ADAMTS20: variants seen among roughly 807,000 people sequenced by gnomAD.
The protein encoded by ADAMTS20 is ADAM metallopeptidase with thrombospondin type 1 motif 20.
In ADAMTS20, 225 loss-of-function variants were observed where a neutral mutation model predicts 260.1. That is an observed-to-expected ratio of 0.87 (90% CI 0.78 to 0.97). ADAMTS20 has a LOEUF of 0.97. ADAMTS20 is among the 50% of genes least tolerant of loss of function. The pLI is 0.00. For synonymous variants in ADAMTS20, 802 were observed against 769.5 expected, an observed-to-expected ratio of 1.04 and a Z score of -0.70; for missense variants, 2,400 against 2,337.7, an observed-to-expected ratio of 1.03 and a Z score of -0.55.
intron 29 of ADAMTS20, among the ~76,000 whole-genome samples, chr12:43,385,054 C>T (rs1940442118): frequency 6.6e-6 from 1 of 152,204 alleles, no homozygotes; most frequent in Non-Finnish European, 1.5e-5. Context: ...AATGATTGAA[C>T]TAATTTACTC....
At chr12:43,364,002 C>T (rs1371604792) in intron 37 of ADAMTS20, among the ~76,000 whole-genome samples, 8 of 152,076 alleles carry the variant, frequency 5.3e-5, no homozygotes, top group Admixed American at 2.0e-4. Flanking sequence ...AGACAGACCA[C>T]GCATAAACTC....
Position 43,428,698 on chromosome 12 carries a change from T to A in ADAMTS20, c.3591A>T (p.Arg1197=), listed in dbSNP as rs1034973410. 12 of 1,612,280 alleles carry A rather than the reference T, an allele frequency of 7.4e-6. No individual in the cohort carries two copies. The highest frequency in any genetic ancestry group is 1.3e-5 in the African/African-American group (1 of 74,954). Residue 1197 remains arginine (R), a synonymous_variant, in exon 25 of 39, where the codon CGA becomes CGT. Coordinates refer to ENST00000389420, the MANE Select transcript of ADAMTS20 (RefSeq NM_025003.5). ...ADESYCAHLP[R]PAEIWDCFTP... is the part of the protein sequence containing the mutation. The stretch of plus-strand genomic sequence containing the variant: ...TAAAACAGTCCCATATTTCAGCAGG[T>A]CGGGGTAAGTGGGCACAATATGATT...
intron 3 of ADAMTS20, among the ~76,000 whole-genome samples, chr12:43,512,266 G>A (rs1408366845): frequency 1.3e-5 from 2 of 148,710 alleles, no homozygotes; most frequent in Admixed American, 1.3e-4. Context: ...GGAACAAGAA[G>A]GTTAAACTGC....
chr12:43,487,635 A>G (rs775942105), intron 7 of ADAMTS20, among the ~76,000 whole-genome samples: 11 of 152,202 alleles, frequency 7.2e-5, no homozygotes, highest in Non-Finnish European at 1.5e-4. Flanking sequence ...TACATGACAC[A>G]TTGAAAGAAA....
At chr12:43,547,960 C>A (rs944383029) in intron 2 of ADAMTS20, among the ~76,000 whole-genome samples, 4 of 152,156 alleles carry the variant, frequency 2.6e-5, no homozygotes, top group African/African-American at 9.7e-5. Flanking sequence ...AAGGACGGTA[C>A]AATTTCCTCA....
At chr12:43,496,455 T>A (rs1486193539) in intron 4 of ADAMTS20, among the ~76,000 whole-genome samples, 1 of 152,220 alleles carries the variant, frequency 6.6e-6, no homozygotes, top group Non-Finnish European at 1.5e-5. Context: ...ACAAAACATT[T>A]GAAGACATTT....
At chr12:43,463,206 TA>T (rs139242187) in intron 10 of ADAMTS20, among the ~76,000 whole-genome samples, 128 of 152,332 alleles carry the variant, frequency 8.4e-4, no homozygotes, top group Middle Eastern at 3.4e-3. Flanking sequence ...TAAAACTTTT[TA>T]AAAAAATTTT....
intron 29 of ADAMTS20, among the ~76,000 whole-genome samples, chr12:43,393,846 G>A (rs952595707): frequency 1.3e-5 from 2 of 151,974 alleles, no homozygotes; most frequent in Admixed American, 6.6e-5. Flanking sequence ...ATGAATGAGT[G>A]ACCATAAAAC....
intron 28 of ADAMTS20, among the ~76,000 whole-genome samples, chr12:43,421,042 C>T (rs796257438): frequency 7.3e-5 from 11 of 151,700 alleles, no homozygotes; most frequent in African/African-American, 2.7e-4. Flanking sequence ...CTCCTGGCCT[C>T]AAGTGATCCA....
chr12:43,449,539 G>T (rs1355202255), intron 14 of ADAMTS20, among the ~76,000 whole-genome samples: 1 of 151,996 alleles, frequency 6.6e-6, no homozygotes, highest in African/African-American at 2.4e-5. Context: ...TGGATACTAG[G>T]CTTAGTATCT....
chr12:43,545,634 T>C (rs1249924397), intron 2 of ADAMTS20, among the ~76,000 whole-genome samples: 2 of 152,114 alleles, frequency 1.3e-5, no homozygotes, highest in Admixed American at 1.3e-4. Context: ...AGTAACTGAG[T>C]ATGGTAGGGA....
chr12:43,365,496 A>T (rs1939963896), intron 37 of ADAMTS20, among the ~76,000 whole-genome samples: 1 of 152,044 alleles, frequency 6.6e-6, no homozygotes, highest in Admixed American at 6.6e-5. Flanking sequence ...TGGCACAAAT[A>T]AGACAGATGG....
At chr12:43,440,849 GGT>G (rs1477802972) in intron 16 of ADAMTS20, among the ~76,000 whole-genome samples, 1 of 152,030 alleles carries the variant, frequency 6.6e-6, no homozygotes, top group Admixed American at 6.5e-5. Flanking sequence ...CGGATCACGA[GGT>G]CAGGAGATCG....
intron 28 of ADAMTS20, among the ~76,000 whole-genome samples, chr12:43,402,413 T>A (rs1416322979): frequency 6.6e-6 from 1 of 152,042 alleles, no homozygotes; most frequent in African/African-American, 2.4e-5. Context: ...TAAAGTTCTT[T>A]TTCTCCAAGA....
chr12:43,540,132 A>G (rs1035762084), intron 2 of ADAMTS20, among the ~76,000 whole-genome samples: 1 of 152,048 alleles, frequency 6.6e-6, no homozygotes, highest in East Asian at 1.9e-4. Context: ...AGCCTCCCAA[A>G]GTGCTGGGAT....
chr12:43,417,397 G>C (rs1409135150), intron 28 of ADAMTS20, among the ~76,000 whole-genome samples: 1 of 152,128 alleles, frequency 6.6e-6, no homozygotes, highest in African/African-American at 2.4e-5. Context: ...ATGTATAAGA[G>C]TTTTAATACA....
Position 43,466,709 on chromosome 12 carries a change from T to A in ADAMTS20, c.1310A>T (p.His437Leu). The A allele has an allele frequency of 7.4e-6, 12 of 1,612,030 alleles. No individual in the cohort carries two copies. Among genetic ancestry groups the A allele is most frequent in the Non-Finnish European group, 1.0e-5 (12 of 1,178,642 alleles). The part of the protein sequence containing the change: ...YHVMAPALSF[H>L]MSPWSWSNCS... ...GTTTGACCAGCTCCAAGGACTCATGTGAAAACTTAAAGCAGGGGCCATTAC... is the reference window on the plus strand; with the variant it reads ...GTTTGACCAGCTCCAAGGACTCATGAGAAAACTTAAAGCAGGGGCCATTAC... The change falls in exon 9 of 39, where the codon CAC becomes CTC. Residue 437 changes from histidine (H) to leucine (L), a missense_variant. His to Leu is a moderately conservative substitution (Grantham distance 99). Transcript: ENST00000389420.
Position 43,382,175 on chromosome 12 carries a change from C to T in ADAMTS20, c.4797+1383G>A, listed in dbSNP as rs1940368869. Among the ~76,000 whole-genome samples, 3 of 152,106 alleles carry T rather than the reference C, an allele frequency of 2.0e-5. No homozygotes were observed. The South Asian group carries it at 6.2e-4, about 32-fold the overall frequency. On this transcript the variant is annotated intron_variant, in intron 31 of 38. Coordinates refer to ENST00000389420, the MANE Select transcript of ADAMTS20 (RefSeq NM_025003.5). ...TTGAAAACATACATCCACACAAAAACTTGTATGCAAATGTTCCTAACAGCA... is the reference window on the plus strand; with the variant it reads ...TTGAAAACATACATCCACACAAAAATTTGTATGCAAATGTTCCTAACAGCA...
At chr12:43,518,439 C>T (rs1345398129) in intron 3 of ADAMTS20, among the ~76,000 whole-genome samples, 1 of 152,000 alleles carries the variant, frequency 6.6e-6, no homozygotes, top group African/African-American at 2.4e-5. Context: ...TGTCCTTGAC[C>T]TCTACCTTTC....
Sources: allele counts gnomAD v4.1 joint callset (sites outside exome capture counted in the v4.1 genomes callset), GRCh38; gene constraint gnomAD v4.1.1; transcripts MANE v1.5; gene names NCBI Gene and HGNC (gene_info 2026-07-23, HGNC 2026-07-21).